Variants in SLC8A1 observed in about 807,000 individuals in gnomAD.
SLC8A1 encodes the protein solute carrier family 8 member A1.
SLC8A1 carries 18 observed loss-of-function variants against 68.3 expected under a neutral mutation model. The ratio of observed to expected loss-of-function variants is 0.26; its 90% CI spans 0.18 to 0.39. The LOEUF (loss-of-function observed/expected upper bound fraction) is 0.39, where lower values mean the gene tolerates loss of function less well. Ranked by LOEUF, SLC8A1 falls within the 10% of genes least tolerant of loss-of-function variation. SLC8A1 has a pLI of 1.00. For missense variants in SLC8A1, 985 were observed against 1,156.7 expected (o/e 0.85, Z 2.15); for synonymous variants, 475 against 415.5 (o/e 1.14, Z -1.74).
At position 40,174,182 on chromosome 2, in the gene SLC8A1, T is replaced by G. The variant is rs2148534306; in HGVS notation, c.1930+643A>C. Reference sequence around the variant, plus strand: ...GTGTGGTGGGATGAGGGGAAGGCTCTGCTCAACATGATATTATATTATGTA... The same window carrying G: ...GTGTGGTGGGATGAGGGGAAGGCTCGGCTCAACATGATATTATATTATGTA... On this transcript the variant is annotated intron_variant, in intron 4 of 7. Coordinates refer to ENST00000406785, the Ensembl canonical transcript of SLC8A1. Among the ~76,000 whole-genome samples, 2 of 152,246 alleles carry G rather than the reference T, an allele frequency of 1.3e-5. 1 individual carries two copies. The highest frequency in any genetic ancestry group is 4.1e-4 in the South Asian group (2 of 4,822).
chr2:40,396,769 A>C (rs1223160240), intron 2 of SLC8A1, among the ~76,000 whole-genome samples: 1 of 146,464 alleles, frequency 6.8e-6, no homozygotes, highest in African/African-American at 2.5e-5. Context: ...AAAAAAAAAA[A>C]AAAAAAAACA....
intron 7 of SLC8A1, among the ~76,000 whole-genome samples, chr2:40,137,809 G>C (rs186997254): frequency 6.6e-5 from 10 of 152,148 alleles, no homozygotes; most frequent in Non-Finnish European, 1.3e-4. Context: ...GAAAGTAAGA[G>C]AACCCTCTAG....
intron 2 of SLC8A1, among the ~76,000 whole-genome samples, chr2:40,235,986 C>G (rs2060311066): frequency 1.3e-5 from 2 of 151,262 alleles, no homozygotes; most frequent in East Asian, 1.9e-4. Context: ...AATTTCTGTT[C>G]TTTTACATTT....
At chr2:40,447,098 G>A (rs1281662924) in intron 1 of SLC8A1, among the ~76,000 whole-genome samples, 1 of 152,120 alleles carries the variant, frequency 6.6e-6, no homozygotes, top group Non-Finnish European at 1.5e-5. Flanking sequence ...AAAAAATTAA[G>A]ATGATCTTTA....
intron 2 of SLC8A1, among the ~76,000 whole-genome samples, chr2:40,292,663 C>A (rs1209695510): frequency 6.6e-6 from 1 of 152,164 alleles, no homozygotes; most frequent in Non-Finnish European, 1.5e-5. Flanking sequence ...ACCTTGGAAG[C>A]CTTCTGTCAA....
chr2:40,469,172 A>T (rs1252876637), intron 1 of SLC8A1, among the ~76,000 whole-genome samples: 3 of 152,160 alleles, frequency 2.0e-5, no homozygotes, highest in African/African-American at 7.2e-5. Context: ...TATGTTTGCA[A>T]TGCTTTTTAA....
intron 5 of SLC8A1, among the ~76,000 whole-genome samples, chr2:40,162,352 C>T (rs1039624816): frequency 3.9e-5 from 6 of 152,162 alleles, no homozygotes; most frequent in African/African-American, 1.4e-4. Flanking sequence ...GAAATGACCT[C>T]GATTTTTCCT....
chr2:40,475,675 T>C (rs1330878143), intron 1 of SLC8A1, among the ~76,000 whole-genome samples: 3 of 152,088 alleles, frequency 2.0e-5, no homozygotes, highest in Non-Finnish European at 4.4e-5. Flanking sequence ...TATGTAAATA[T>C]ATAAATACAT....
chr2:40,412,961 T>C (rs12999886), intron 2 of SLC8A1, among the ~76,000 whole-genome samples: 7,640 of 152,248 alleles, frequency 0.05, 373 homozygotes, highest in East Asian at 0.26. Context: ...TGCAGGTTTG[T>C]TACATATGTA....
chr2:40,364,460 AC>A (rs1252042886), intron 2 of SLC8A1, among the ~76,000 whole-genome samples: 1 of 151,478 alleles, frequency 6.6e-6, no homozygotes, highest in Non-Finnish European at 1.5e-5. Flanking sequence ...CAAAAAAAAA[AC>A]AATTAGAAGA....
intron 2 of SLC8A1, among the ~76,000 whole-genome samples, chr2:40,273,290 T>C (rs900048715): frequency 6.6e-6 from 1 of 151,258 alleles, no homozygotes; most frequent in African/African-American, 2.4e-5. Context: ...ACGGGGTTTC[T>C]TCATGTTGGT....
intron 7 of SLC8A1, among the ~76,000 whole-genome samples, chr2:40,122,575 A>G (rs1301949335): frequency 6.6e-6 from 1 of 152,174 alleles, no homozygotes; most frequent in Admixed American, 6.5e-5. Flanking sequence ...ACAACTTTTG[A>G]AAACATGAAC....
At chr2:40,272,363 G>A (rs942541345) in intron 2 of SLC8A1, among the ~76,000 whole-genome samples, 1 of 152,138 alleles carries the variant, frequency 6.6e-6, no homozygotes, top group Admixed American at 6.5e-5. Context: ...GAGATAAGGA[G>A]GGAGAAAGGT....
chr2:40,194,052 C>T (rs192828193), intron 2 of SLC8A1, among the ~76,000 whole-genome samples: 35 of 152,196 alleles, frequency 2.3e-4, no homozygotes, highest in African/African-American at 4.8e-4. Context: ...TCTTGTAGCA[C>T]GATGGAGGTA....
At chr2:40,238,326 C>T (rs566625281) in intron 2 of SLC8A1, among the ~76,000 whole-genome samples, 4 of 152,286 alleles carry the variant, frequency 2.6e-5, no homozygotes, top group South Asian at 4.1e-4. Context: ...TTTTTAAGCC[C>T]GTTGGAAAAG....
At chr2:40,127,739 C>T (rs1439140443) in intron 7 of SLC8A1, among the ~76,000 whole-genome samples, 1 of 152,116 alleles carries the variant, frequency 6.6e-6, no homozygotes, top group Admixed American at 6.5e-5. Flanking sequence ...AAAAAGTCCC[C>T]TGGGCTCCAG....
chr2:40,197,222 C>A (rs1196076152), intron 2 of SLC8A1, among the ~76,000 whole-genome samples: 1 of 151,952 alleles, frequency 6.6e-6, no homozygotes, highest in Non-Finnish European at 1.5e-5. Flanking sequence ...TAGTGATATC[C>A]CTCCTGATAA....
chr2:40,338,062 G>C (rs542926653), intron 2 of SLC8A1, among the ~76,000 whole-genome samples: 1 of 151,952 alleles, frequency 6.6e-6, no homozygotes, highest in African/African-American at 2.4e-5. Context: ...AAAGTGCTCT[G>C]TCTTAAGTTT....
At chr2:40,428,513 C>A in exon 2 of SLC8A1, 1 of 1,610,856 alleles carries the variant, frequency 6.2e-7, no homozygotes, top group Non-Finnish European at 8.5e-7. Flanking sequence ...CCACAAGTGT[C>A]CTCAAAATCC....
Sources: gnomAD v4.1 joint callset for allele counts (sites outside exome capture counted in the v4.1 genomes callset) on GRCh38, gnomAD v4.1.1 for gene constraint, MANE v1.5 for transcripts, NCBI Gene and HGNC (gene_info 2026-07-23, HGNC 2026-07-21) for gene names.